FEZ1: variants seen among roughly 807,000 people sequenced by gnomAD.
FEZ1 encodes the protein fasciculation and elongation protein zeta-1.
A neutral mutation model predicts 49.3 loss-of-function variants in FEZ1; 20 were observed. That is an observed-to-expected ratio of 0.41 (90% CI 0.29 to 0.59). FEZ1 has a LOEUF of 0.59. Among genes scored for constraint, FEZ1 ranks in the 20% least tolerant of loss-of-function variants. The probability of loss-of-function intolerance (pLI) is 0.36; values close to 1 mark genes in which losing one functional copy is unlikely to be tolerated. For synonymous variants in FEZ1, 170 were observed against 180.9 expected, an observed-to-expected ratio of 0.94 and a Z score of 0.48; for missense variants, 413 against 476.0, an observed-to-expected ratio of 0.87 and a Z score of 1.23.
At position 125,489,469 on chromosome 11, in the gene FEZ1, C is replaced by G. The variant is rs761229146; in HGVS notation, c.309G>C (p.Glu103Asp). The G allele has an allele frequency of 6.2e-7, 1 of 1,610,014 alleles. No individual in the cohort carries two copies. The highest frequency in any genetic ancestry group is 8.5e-7 in the Non-Finnish European group (1 of 1,178,350). ...IQEEEETLQD[E>D]EVWDALTDNY... ...AGAGGGCAATTAAGACTTCTTACTC[C>G]TCGTCCTGAAGGGTCTCCTCCTCCT... Residue 103 changes from glutamate to aspartate, a missense_variant and splice_region_variant, in exon 2 of 10, where the codon GAG becomes GAC. By Grantham distance (45) the Glu-to-Asp change is conservative. Transcript: ENST00000278919. The surrounding 1 kb of genome is among the most constrained non-coding windows in gnomAD (Gnocchi z 4.2).
At chr11:125,457,437 TATATATATATATATGTATATATACAC>T (rs1225379278) in intron 5 of FEZ1, among the ~76,000 whole-genome samples, 6 of 83,244 alleles carry the variant, frequency 7.2e-5, no homozygotes, top group East Asian at 7.0e-4. Flanking sequence ...AAAATATATA[TATATATATATATATGTATATATACAC>T]ATATATATGT....
At chr11:125,493,695 A>G (rs974203066) in intron 1 of FEZ1, among the ~76,000 whole-genome samples, 2 of 152,108 alleles carry the variant, frequency 1.3e-5, no homozygotes, top group African/African-American at 2.4e-5. Flanking sequence ...TCTTTTTTCA[A>G]TTTATTTGTT....
At chr11:125,488,684 AAAAAC>A (rs1257367294) in intron 2 of FEZ1, 28 of 982,404 alleles carry the variant, frequency 2.9e-5, no homozygotes, top group Admixed American at 6.2e-5. Flanking sequence ...CATCTCAAAA[AAAAAC>A]AAAACAAAAC....
In FEZ1 at chr11:125,495,445, G is replaced by A. The variant is rs755099771; in HGVS notation, c.-46+676C>T. 2 of 470,150 alleles carry A rather than the reference G, an allele frequency of 4.3e-6. No individual in the cohort carries two copies. The highest frequency in any genetic ancestry group is 7.0e-5 in the East Asian group (1 of 14,344). The allele number at this position is 470,150 out of a possible 1,614,324, so 29.1% of individuals were successfully genotyped here. On this transcript the variant is annotated intron_variant, in intron 1 of 9. Coordinates refer to ENST00000278919, the MANE Select transcript of FEZ1 (RefSeq NM_005103.5). The surrounding 1 kb of genome is among the most constrained non-coding windows in gnomAD (Gnocchi z 4.2). Reference sequence around the variant, plus strand: ...TTCCAGAGCCCGGGGCCCACCCGACGGCAGCGCGCCCCGCCACCGCGCAGC... The same window carrying A: ...TTCCAGAGCCCGGGGCCCACCCGACAGCAGCGCGCCCCGCCACCGCGCAGC...
At chr11:125,454,237 G>A (rs753483898) in intron 6 of FEZ1, 27 bp from the exon 7 acceptor site, 22 of 1,569,020 alleles carry the variant, frequency 1.4e-5, no homozygotes, top group Non-Finnish European at 1.9e-5. Flanking sequence ...CTCAAGAAGG[G>A]CAAATGCTTC....
Position 125,487,030 on chromosome 11 carries a change from C to T in FEZ1, c.311+2437G>A, listed in dbSNP as rs887840095. Among the ~76,000 whole-genome samples the T allele has an allele frequency of 9.8e-5, 15 of 152,308 alleles. No individual in the cohort carries two copies. In the East Asian group the frequency reaches 2.3e-3, roughly 23 times the overall value. ...TCGAAGGAATTATTCAATCTTTGGT[C>T]TCTTAACTGAGGCAGTCAATGAGGC... On this transcript the variant is annotated intron_variant, in intron 2 of 9. Transcript: ENST00000278919.
At chr11:125,493,343 A>C (rs1182818747) in intron 1 of FEZ1, among the ~76,000 whole-genome samples, 1 of 142,564 alleles carries the variant, frequency 7.0e-6, no homozygotes, top group South Asian at 2.2e-4. Flanking sequence ...TCAAGAAAGA[A>C]AGAAAGAAAG....
intron 4 of FEZ1, among the ~76,000 whole-genome samples, chr11:125,460,934 A>G (rs2135751007): frequency 6.6e-6 from 1 of 152,332 alleles, no homozygotes; most frequent in South Asian, 2.1e-4. Context: ...CTGCTCTTTC[A>G]GGAAGCAAGG....
At chr11:125,482,974 TAAAAAAAAAAA>T (rs56169482) in intron 2 of FEZ1, among the ~76,000 whole-genome samples, 1 of 28,758 alleles carries the variant, frequency 3.5e-5, no homozygotes, top group Non-Finnish European at 5.8e-5. Context: ...CAAGACACTG[TAAAAAAAAAAA>T]AAAAAAAAAA....
intron 2 of FEZ1, among the ~76,000 whole-genome samples, chr11:125,486,306 A>G (rs1299819399): frequency 6.6e-6 from 1 of 152,184 alleles, no homozygotes; most frequent in Admixed American, 6.5e-5. Flanking sequence ...AGGTAAGCTG[A>G]GGGCCGTCAA....
In FEZ1 at chr11:125,495,957, C is replaced by T; in HGVS notation, c.-46+164G>A. 1 of 240,770 alleles carries T rather than the reference C, an allele frequency of 4.2e-6. No homozygotes were observed. Among genetic ancestry groups the T allele is most frequent in the Non-Finnish European group, 8.1e-6 (1 of 122,830 alleles). 14.9% of individuals were successfully genotyped at this position (240,770 alleles called of 1,614,324 possible). The stretch of plus-strand genomic sequence containing the variant: ...AAGGGCTGGGCAGGAAGGCGACGGC[C>T]TCCCGTTGTTCCTTTCTAATCCCAG... On this transcript the variant is annotated intron_variant, in intron 1 of 9. Transcript: ENST00000278919. This position sits in a 1 kb window ranked among gnomAD's most constrained non-coding sequence, Gnocchi z 4.2.
intron 3 of FEZ1, among the ~76,000 whole-genome samples, chr11:125,464,429 AC>A (rs1373009332): frequency 6.6e-6 from 1 of 151,998 alleles, no homozygotes; most frequent in Non-Finnish European, 1.5e-5. Flanking sequence ...TGAACGTCAT[AC>A]AAGGAGGAGG....
chr11:125,494,691 A>G (rs747326872), intron 1 of FEZ1, among the ~76,000 whole-genome samples: 2 of 152,178 alleles, frequency 1.3e-5, no homozygotes, highest in Non-Finnish European at 2.9e-5. Flanking sequence ...TAGATGGTGT[A>G]ATTTGGAAAA....
At chr11:125,470,932 T>C (rs956234031) in intron 3 of FEZ1, among the ~76,000 whole-genome samples, 4 of 152,110 alleles carry the variant, frequency 2.6e-5, no homozygotes, top group African/African-American at 9.7e-5. Context: ...AAATAAAATA[T>C]ATGACAATTA....
At chr11:125,462,060 T>C (rs912439302) in intron 4 of FEZ1, among the ~76,000 whole-genome samples, 1 of 152,224 alleles carries the variant, frequency 6.6e-6, no homozygotes, top group Middle Eastern at 3.2e-3. Flanking sequence ...TATTAGCCCC[T>C]ATTTTTAAAA....
At chr11:125,456,172 TGGGG>T in intron 5 of FEZ1, 66 bp from the exon 6 acceptor site, 1 of 1,449,560 alleles carries the variant, frequency 6.9e-7, no homozygotes, top group South Asian at 1.4e-5. Context: ...GGGAGGCTCC[TGGGG>T]CCACCACCAA....
At chr11:125,450,664 T>G (rs1196248559) in intron 8 of FEZ1, among the ~76,000 whole-genome samples, 1 of 152,166 alleles carries the variant, frequency 6.6e-6, no homozygotes, top group Non-Finnish European at 1.5e-5. Flanking sequence ...TGGCAGGTTT[T>G]TTTTCTAAAA....
At position 125,445,879 on chromosome 11, in the gene FEZ1, G is replaced by A. The variant is rs1170736629; in HGVS notation, c.*216C>T. ...CCCCTCTCCTGACACCAGCAAGGGG[G>A]AGGCACCATCACCGGCCCTGCCCCA... On this transcript the variant is annotated 3_prime_UTR_variant, in exon 10 of 10. Transcript: ENST00000278919. This position sits in a 1 kb window ranked among gnomAD's most constrained non-coding sequence, Gnocchi z 4.4. The A allele has an allele frequency of 1.7e-6, 1 of 601,316 alleles. No homozygotes were observed. The highest frequency in any genetic ancestry group is 3.1e-6 in the Non-Finnish European group (1 of 322,504). 37.2% of individuals were successfully genotyped at this position (601,316 alleles called of 1,614,324 possible).
intron 3 of FEZ1, among the ~76,000 whole-genome samples, chr11:125,481,020 C>G (rs1288927781): frequency 6.8e-6 from 1 of 146,270 alleles, no homozygotes; most frequent in Non-Finnish European, 1.5e-5. Context: ...GCCTGGGCAA[C>G]AGAGCGAGAT....
Sources: allele counts gnomAD v4.1 joint callset (sites outside exome capture counted in the v4.1 genomes callset), GRCh38; gene constraint gnomAD v4.1.1; non-coding constraint Gnocchi (gnomAD v3.1); transcripts MANE v1.5; gene names NCBI Gene and HGNC (gene_info 2026-07-23, HGNC 2026-07-21).